Variants in EDN3 observed in about 807,000 individuals in gnomAD.
EDN3 encodes the protein endothelin-3.
EDN3 carries 9 observed loss-of-function variants against 21.4 expected under a neutral mutation model. The ratio of observed to expected loss-of-function variants is 0.42; its 90% CI spans 0.25 to 0.73. The LOEUF is 0.73. EDN3 is among the 30% of genes least tolerant of loss of function. The probability of loss-of-function intolerance (pLI) is 0.26; values close to 1 mark genes in which losing one functional copy is unlikely to be tolerated. For synonymous variants in EDN3, 133 were observed against 126.2 expected (o/e 1.05, Z -0.36); for missense variants, 327 against 309.4 (o/e 1.06, Z -0.43).
At position 59,301,519 on chromosome 20, in the gene EDN3, C is replaced by T. The variant is rs1989024948; in HGVS notation, c.162C>T (p.Gly54=). 1 of 1,612,744 alleles carries T rather than the reference C, an allele frequency of 6.2e-7. No homozygotes were observed. The highest frequency in any genetic ancestry group is 8.5e-7 in the Non-Finnish European group (1 of 1,179,696). The change falls in exon 2 of 5, where the codon GGC becomes GGT. Residue 54 remains glycine (G), a synonymous_variant. Transcript: ENST00000337938. ...GDCEETVAGP[G]EETVAGPGEG... ...GTGAAGAGACTGTGGCTGGCCCTGG[C>T]GAGGAGACTGTGGCTGGCCCTGGCG... is the stretch of plus-strand genomic sequence containing the variant.
intron 2 of EDN3, among the ~76,000 whole-genome samples, chr20:59,312,234 G>T (rs1327584394): frequency 6.6e-6 from 1 of 152,132 alleles, no homozygotes; most frequent in Non-Finnish European, 1.5e-5. Flanking sequence ...GGGTCACTGG[G>T]GGCTGGGGAG....
At chr20:59,313,151 T>A (rs1334789554) in intron 2 of EDN3, among the ~76,000 whole-genome samples, 1 of 152,230 alleles carries the variant, frequency 6.6e-6, no homozygotes, top group Non-Finnish European at 1.5e-5. Context: ...GAATGTCATA[T>A]GTTTGGGACA....
chr20:59,320,357 ATT>A (rs1990450164), intron 2 of EDN3, among the ~76,000 whole-genome samples: 1 of 152,256 alleles, frequency 6.6e-6, no homozygotes, highest in African/African-American at 2.4e-5. Context: ...CATGGAAGAA[ATT>A]CAGTCAGAAA....
At chr20:59,300,917 C>A (rs1568821522) in intron 1 of EDN3, 53 bp downstream of exon 1, 2 of 1,592,990 alleles carry the variant, frequency 1.3e-6, no homozygotes, top group Admixed American at 1.7e-5. Flanking sequence ...ACAAAAGGAC[C>A]CAGGGCGGGG....
At chr20:59,306,594 G>GAAAAAAAAAAAA (rs1989430275) in intron 2 of EDN3, among the ~76,000 whole-genome samples, 1 of 28,644 alleles carries the variant, frequency 3.5e-5, no homozygotes, top group East Asian at 1.2e-3. Context: ...TGCATAAAGA[G>GAAAAAAAAAAAA]TAAAAAAAAA....
In EDN3 at chr20:59,322,785, G is replaced by A. The variant is rs940244027; in HGVS notation, c.588+368G>A. Among the ~76,000 whole-genome samples, 18 of 152,220 alleles carry A rather than the reference G, an allele frequency of 1.2e-4. No homozygotes were observed. The highest frequency in any genetic ancestry group is 4.3e-4 in the African/African-American group (18 of 41,454). ...GAGGCCCTGTAGGCTGCTCTGCCCA[G>A]ACCCACACTTCGCCTCTGCTTCCTT... On this transcript the variant is annotated intron_variant, in intron 4 of 4. Transcript: ENST00000337938. The surrounding 1 kb of genome is among the most constrained non-coding windows in gnomAD (Gnocchi z 4.1).
chr20:59,309,663 G>A (rs1293770719), intron 2 of EDN3, among the ~76,000 whole-genome samples: 1 of 152,082 alleles, frequency 6.6e-6, no homozygotes, highest in Non-Finnish European at 1.5e-5. Context: ...ACACTTTTGG[G>A]TACCAGTTTT....
rs745960314 is a variant in EDN3 at position 59,300,875 on chromosome 20, G to C, written c.52+11G>C. On this transcript the variant is annotated intron_variant, in intron 1 of 4. Coordinates refer to ENST00000337938, the MANE Select transcript of EDN3 (RefSeq NM_207034.3). ...TGACCTCCGCCGCAGGTAAGCGCAC[G>C]GGGCGGCGCGCCTCTCCTGGCGCGA... 29 of 1,609,796 alleles carry C rather than the reference G, an allele frequency of 1.8e-5. No homozygotes were observed. The highest frequency in any genetic ancestry group is 2.2e-5 in the East Asian group (1 of 44,832).
chr20:59,324,771 C>T lies in EDN3; in HGVS notation c.*312C>T, dbSNP rs888882445. 6.8e-6 allele frequency: 3 copies of T among 438,002 alleles called. No individual in the cohort carries two copies. In the Admixed American group the frequency reaches 1.0e-4, roughly 15 times the overall value. 27.1% of individuals were successfully genotyped at this position (438,002 alleles called of 1,614,324 possible). Reference sequence around the variant, plus strand: ...AGCCACTTACTGGCTTTTGACATGACTTCTCTTGGAGAATAAGTGGACTCC... The same window carrying T: ...AGCCACTTACTGGCTTTTGACATGATTTCTCTTGGAGAATAAGTGGACTCC... On this transcript the variant is annotated 3_prime_UTR_variant, in exon 5 of 5. Coordinates refer to ENST00000337938, the MANE Select transcript of EDN3 (RefSeq NM_207034.3).
At chr20:59,313,869 G>A (rs758592703) in intron 2 of EDN3, among the ~76,000 whole-genome samples, 2 of 152,194 alleles carry the variant, frequency 1.3e-5, no homozygotes, top group Non-Finnish European at 2.9e-5. Context: ...TATGTTTCCT[G>A]GCCTATTTTC....
chr20:59,314,020 C>T (rs182380357), intron 2 of EDN3, among the ~76,000 whole-genome samples: 32 of 152,188 alleles, frequency 2.1e-4, no homozygotes, highest in Admixed American at 1.6e-3. Flanking sequence ...AATGAGCGTC[C>T]GGGGGTGGGC....
chr20:59,310,895 A>G (rs1186577808), intron 2 of EDN3, among the ~76,000 whole-genome samples: 1 of 152,028 alleles, frequency 6.6e-6, no homozygotes, highest in Non-Finnish European at 1.5e-5. Context: ...ACTTTTCTGG[A>G]TTTTTAGGAA....
chr20:59,302,870 T>C (rs1989144267), intron 2 of EDN3, among the ~76,000 whole-genome samples: 1 of 152,108 alleles, frequency 6.6e-6, no homozygotes, highest in South Asian at 2.1e-4. Flanking sequence ...GGTAGCAGCT[T>C]TCATGGGGCT....
At chr20:59,323,767 G>T in intron 4 of EDN3, 1 of 415,586 alleles carries the variant, frequency 2.4e-6, no homozygotes, top group South Asian at 1.0e-4. Flanking sequence ...TGTGCTCAGG[G>T]AACGGCCAGA....
intron 2 of EDN3, among the ~76,000 whole-genome samples, chr20:59,309,079 C>G (rs1385382656): frequency 6.6e-5 from 10 of 152,218 alleles, no homozygotes. Context: ...CCCGCCCTTC[C>G]AGCCCCTCCT....
intron 2 of EDN3, 71 bp from the exon 3 acceptor site, chr20:59,320,946 T>C (rs1990495001): frequency 6.4e-7 from 1 of 1,561,464 alleles, no homozygotes; most frequent in Non-Finnish European, 8.8e-7. Context: ...TGGTTCTCGC[T>C]CCACACCCTT....
intron 2 of EDN3, 52 bp downstream of exon 2, chr20:59,301,774 C>G (rs1600718508): frequency 1.3e-6 from 2 of 1,589,594 alleles, no homozygotes; most frequent in Non-Finnish European, 1.7e-6. Flanking sequence ...AGGCCCACAT[C>G]TGCTCATTCC....
chr20:59,311,044 A>C (rs929947366), intron 2 of EDN3, among the ~76,000 whole-genome samples: 1 of 152,134 alleles, frequency 6.6e-6, no homozygotes, highest in Non-Finnish European at 1.5e-5. Context: ...AGAAAGCCAA[A>C]ATGAGTGCAA....
intron 2 of EDN3, among the ~76,000 whole-genome samples, chr20:59,310,633 G>A (rs995261242): frequency 6.6e-5 from 10 of 152,058 alleles, no homozygotes; most frequent in African/African-American, 2.4e-4. Flanking sequence ...GCCTCCTCAG[G>A]GCAGACTTGG....
Sources: gnomAD v4.1 joint callset for allele counts (sites outside exome capture counted in the v4.1 genomes callset) on GRCh38, gnomAD v4.1.1 for gene constraint, Gnocchi (gnomAD v3.1) non-coding constraint, MANE v1.5 for transcripts, NCBI Gene and HGNC (gene_info 2026-07-23, HGNC 2026-07-21) for gene names.